Variants in LEMD1 observed in about 807,000 individuals in gnomAD.
LEMD1 encodes the protein LEM domain-containing protein 1.
In LEMD1, 18 loss-of-function variants were observed where a neutral mutation model predicts 17.4. The observed-to-expected ratio is 1.04, with a 90% CI of 0.72 to 1.54. The LOEUF (loss-of-function observed/expected upper bound fraction) is 1.54, where lower values mean the gene tolerates loss of function less well. Ranked by LOEUF, LEMD1 falls within the 40% of genes most tolerant of loss-of-function variation. LEMD1 has a pLI of 0.00. For missense variants in LEMD1, 195 were observed against 210.4 expected (o/e 0.93, Z 0.45); for synonymous variants, 88 against 77.8 (o/e 1.13, Z -0.69).
intron 5 of LEMD1, among the ~76,000 whole-genome samples, chr1:205,383,414 C>A (rs1663821081): frequency 6.6e-6 from 1 of 151,668 alleles, no homozygotes; most frequent in Admixed American, 6.6e-5. Flanking sequence ...TATTCTGATA[C>A]CTTCATATAA....
Position 205,381,516 on chromosome 1 carries a change from C to T in LEMD1, c.*142G>A. The stretch of plus-strand genomic sequence containing the variant: ...CCTTCCACCTGGCTGAGCCCAGACA[C>T]CGATCTGTGAGAGCAGCACAGTGCA... On this transcript the variant is annotated 3_prime_UTR_variant, in exon 6 of 6. Transcript: ENST00000367153. 1.3e-6 allele frequency: 1 copy of T among 785,010 alleles called. No individual in the cohort carries two copies. The highest frequency in any genetic ancestry group is 2.1e-6 in the Non-Finnish European group (1 of 472,766). The allele number at this position is 785,010 out of a possible 1,614,324, so 48.6% of individuals were successfully genotyped here.
At chr1:205,426,468 G>C (rs1666056258), upstream of LEMD1, among the ~76,000 whole-genome samples, 1 of 152,218 alleles carries the variant, frequency 6.6e-6, no homozygotes, top group Non-Finnish European at 1.5e-5. Context: ...GTCAGAAACA[G>C]AGAAAAATCT....
intron 4 of LEMD1, among the ~76,000 whole-genome samples, chr1:205,399,508 C>T (rs1049193744): frequency 6.6e-6 from 1 of 152,214 alleles, no homozygotes; most frequent in African/African-American, 2.4e-5. Context: ...AAGGTGCTCA[C>T]TGAAGGCCTA....
chr1:205,425,096 T>C (rs529287379), upstream of LEMD1, among the ~76,000 whole-genome samples: 2 of 152,342 alleles, frequency 1.3e-5, no homozygotes, highest in South Asian at 2.1e-4. Context: ...ACAAATCTTT[T>C]GTCTCAGCCA....
At chr1:205,445,385 C>T (rs548075460) in intron 1 of LEMD1, among the ~76,000 whole-genome samples, 5 of 152,350 alleles carry the variant, frequency 3.3e-5, no homozygotes, top group African/African-American at 1.2e-4. Flanking sequence ...GGGCACAGAC[C>T]TCCAGTCTGG....
chr1:205,394,667 G>A (rs1281214585), intron 4 of LEMD1, among the ~76,000 whole-genome samples: 1 of 152,132 alleles, frequency 6.6e-6, no homozygotes, highest in African/African-American at 2.4e-5. Flanking sequence ...TTACAGGCAT[G>A]AGCCACCAAG....
intron 3 of LEMD1, among the ~76,000 whole-genome samples, chr1:205,417,718 G>T (rs73070642): frequency 4.6e-5 from 7 of 152,018 alleles, no homozygotes; most frequent in Admixed American, 4.6e-4. Flanking sequence ...TATCTGTGCC[G>T]CCTCCAATGT....
chr1:205,434,015 C>T (rs545445338), intron 1 of LEMD1, among the ~76,000 whole-genome samples: 1 of 152,144 alleles, frequency 6.6e-6, no homozygotes, highest in Non-Finnish European at 1.5e-5. Context: ...CATAATAATT[C>T]TTTTTCAAAC....
chr1:205,393,136 T>G (rs1475836730), intron 4 of LEMD1, among the ~76,000 whole-genome samples: 7 of 151,868 alleles, frequency 4.6e-5, no homozygotes, highest in Non-Finnish European at 5.9e-5. Flanking sequence ...CTAGAATATA[T>G]AAAGAATTCT....
At position 205,419,324 on chromosome 1, in the gene LEMD1, C is replaced by CT. The variant is rs774476336; in HGVS notation, c.110dup (p.Leu38ValfsTer28). On this transcript the variant is annotated frameshift_variant, in exon 3 of 6. Coordinates refer to ENST00000367153, the MANE Select transcript of LEMD1 (RefSeq NM_001199050.2). LOFTEE classifies it high-confidence loss of function. ...GAGGTGAGACCAACAACTGTACTAA[C>CT]TTTTTTTCATACAACTTTCTGGTGG... 2.5e-6 allele frequency: 4 copies of CT among 1,614,198 alleles called. No homozygotes were observed. The highest frequency in any genetic ancestry group is 2.2e-5 in the East Asian group (1 of 44,888).
intron 4 of LEMD1, among the ~76,000 whole-genome samples, chr1:205,393,799 G>C (rs574476032): frequency 1.4e-5 from 2 of 144,578 alleles, no homozygotes; most frequent in African/African-American, 5.2e-5. Context: ...TACTTTCTCC[G>C]AAAGTCAGAT....
intron 1 of LEMD1, among the ~76,000 whole-genome samples, chr1:205,442,484 CCAGA>C (rs879346338): frequency 6.6e-6 from 1 of 152,180 alleles, no homozygotes; most frequent in Non-Finnish European, 1.5e-5. Context: ...TCGTGTTTCT[CCAGA>C]CAGAGCCAAG....
intron 4 of LEMD1, among the ~76,000 whole-genome samples, chr1:205,389,108 C>T (rs1664204871): frequency 7.7e-6 from 1 of 130,564 alleles, no homozygotes; most frequent in African/African-American, 2.9e-5. Context: ...GAGTGCAGTG[C>T]CACAATCTCG....
chr1:205,447,599 G>A (rs992104103), intron 1 of LEMD1, among the ~76,000 whole-genome samples: 3 of 152,008 alleles, frequency 2.0e-5, no homozygotes, highest in Non-Finnish European at 2.9e-5. Context: ...GAATGTGGGA[G>A]TGGCGACAGG....
rs1392876247 is a variant in LEMD1, at chr1:205,381,797, T to C, written c.407A>G (p.Asp136Gly). 1.2e-6 allele frequency: 2 copies of C among 1,614,114 alleles called. No individual in the cohort carries two copies. The highest frequency in any genetic ancestry group is 1.7e-6 in the Non-Finnish European group (2 of 1,180,010). ...GATAGTCTGGTCTTCCGCGCAGTAG[T>C]CTCTCTCTTTGGTGATAGTCCCATA... The part of the protein sequence containing the change: ...ITYGTITKER[D>G]YCAEDQTIES... Residue 136 changes from aspartate to glycine, a missense_variant, in exon 6 of 6, where the codon GAC becomes GGC. Transcript: ENST00000367153.
At chr1:205,396,015 G>GC (rs1553392731) in intron 4 of LEMD1, among the ~76,000 whole-genome samples, 3 of 148,840 alleles carry the variant, frequency 2.0e-5, no homozygotes, top group Non-Finnish European at 4.5e-5. Flanking sequence ...TGGAGCATTT[G>GC]TTTTTTTTTT....
intron 3 of LEMD1, 132 bp downstream of exon 3, chr1:205,419,098 C>T (rs1665833097): frequency 1.1e-5 from 11 of 1,034,084 alleles, no homozygotes; most frequent in Non-Finnish European, 1.5e-5. Context: ...ATTTTCCAGG[C>T]TTTCTGTGCA....
At chr1:205,439,226 C>T (rs1666254835) in intron 1 of LEMD1, among the ~76,000 whole-genome samples, 1 of 152,182 alleles carries the variant, frequency 6.6e-6, no homozygotes, top group Non-Finnish European at 1.5e-5. Flanking sequence ...CCTTTGTGAC[C>T]CCACTGGCCT....
chr1:205,394,388 TTAA>T (rs1179565473), intron 4 of LEMD1, among the ~76,000 whole-genome samples: 1 of 151,936 alleles, frequency 6.6e-6, no homozygotes, highest in African/African-American at 2.4e-5. Context: ...AATTAATTAA[TTAA>T]TTAATTTTTT....
Sources: allele counts gnomAD v4.1 joint callset (sites outside exome capture counted in the v4.1 genomes callset), GRCh38; gene constraint gnomAD v4.1.1; transcripts MANE v1.5; gene names NCBI Gene and HGNC (gene_info 2026-07-23, HGNC 2026-07-21).